OR3A2: variants seen among roughly 807,000 people sequenced by gnomAD.
OR3A2 encodes the protein olfactory receptor family 3 subfamily A member 2, also known as olfactory receptor 3A2.
For synonymous variants in OR3A2, 126 were observed against 159.3 expected (o/e 0.79, Z 1.57); for missense variants, 318 against 392.8 (o/e 0.81, Z 1.61).
chr17:3,362,848 C>T (rs1293780843), intron 2 of OR3A2, among the ~76,000 whole-genome samples: 2 of 151,794 alleles, frequency 1.3e-5, no homozygotes, highest in Non-Finnish European at 2.9e-5. Flanking sequence ...CTCTTGTCTT[C>T]TGTGCACCCA....
intron 3 of OR3A2, among the ~76,000 whole-genome samples, chr17:3,290,139 CA>C (rs1272276620): frequency 2.6e-5 from 4 of 152,076 alleles, no homozygotes; most frequent in Non-Finnish European, 5.9e-5. Flanking sequence ...CTTAAAATAT[CA>C]ATCACTTCCT....
At chr17:3,356,475 T>C (rs2049466562) in intron 2 of OR3A2, among the ~76,000 whole-genome samples, 1 of 151,532 alleles carries the variant, frequency 6.6e-6, no homozygotes, top group Non-Finnish European at 1.5e-5. Context: ...TTTTCCTTCA[T>C]GCTTGAAGGA....
At chr17:3,321,346 T>C (rs1474381222) in intron 3 of OR3A2, among the ~76,000 whole-genome samples, 7 of 152,204 alleles carry the variant, frequency 4.6e-5, no homozygotes, top group Admixed American at 1.3e-4. Flanking sequence ...ATGACTTCCT[T>C]TTTTCCTAAT....
intron 3 of OR3A2, chr17:3,310,767 G>A (rs1439804856): frequency 3.5e-6 from 2 of 572,908 alleles, no homozygotes; most frequent in Non-Finnish European, 6.9e-6. Context: ...CATGTCATGT[G>A]TCTTTTCCTT....
At chr17:3,355,798 A>G (rs1317912813) in intron 2 of OR3A2, among the ~76,000 whole-genome samples, 2 of 151,282 alleles carry the variant, frequency 1.3e-5, no homozygotes, top group Non-Finnish European at 2.9e-5. Flanking sequence ...TGGAGAGTTT[A>G]GTTCATTTAT....
intron 2 of OR3A2, among the ~76,000 whole-genome samples, chr17:3,352,069 AT>A (rs1357191655): frequency 6.6e-6 from 1 of 152,016 alleles, no homozygotes; most frequent in Non-Finnish European, 1.5e-5. Context: ...AGAAATATCT[AT>A]TCTAATCTTT....
At position 3,367,192 on chromosome 17, in the gene OR3A2, C is replaced by G. The variant is rs79562383; in HGVS notation, c.-179+16612G>C. Among the ~76,000 whole-genome samples, 238 of 152,240 alleles carry G rather than the reference C, an allele frequency of 1.6e-3. 5 individuals are homozygous for G. The East Asian group carries it at 0.044, about 28-fold the overall frequency. Reference sequence around the variant, plus strand: ...CATTTACAAGTTCTGTGACTTTTGGCAATTTACAGCTCAGACTCAGTTGTT... The same window carrying G: ...CATTTACAAGTTCTGTGACTTTTGGGAATTTACAGCTCAGACTCAGTTGTT... On this transcript the variant is annotated intron_variant, in intron 2 of 4. Transcript: ENST00000573491.
At chr17:3,300,758 T>A (rs12942844) in intron 3 of OR3A2, among the ~76,000 whole-genome samples, 69,622 of 151,000 alleles carry the variant, frequency 0.46, 17,603 homozygotes, top group East Asian at 0.95. Flanking sequence ...TTGTTACATA[T>A]GTATACATGT....
intron 2 of OR3A2, among the ~76,000 whole-genome samples, chr17:3,367,601 G>GTATATATAA (rs2049575498): frequency 4.1e-5 from 5 of 122,538 alleles, no homozygotes; most frequent in African/African-American, 1.8e-4. Context: ...GTGTGTGTGT[G>GTATATATAA]TATATATATA....
intron 3 of OR3A2, chr17:3,292,638 A>T: frequency 7.0e-7 from 1 of 1,428,396 alleles, no homozygotes; most frequent in Non-Finnish European, 9.5e-7. Flanking sequence ...CCAATAATTT[A>T]TTTACTCAAG....
Position 3,385,252 on chromosome 17 carries a change from G to A in OR3A2, c.-275+873C>T, listed in dbSNP as rs534090190. Among the ~76,000 whole-genome samples the A allele has an allele frequency of 5.8e-4, 89 of 152,244 alleles. 1 individual carries two copies. The South Asian group carries it at 6.2e-3, about 11-fold the overall frequency. On this transcript the variant is annotated intron_variant, in intron 1 of 4. Coordinates refer to the OR3A2 transcript ENST00000573491. ...ATTCCTGAAGAACCATATAATGTGTGGTCAACAAATGAATGGTAAATGCAG... is the reference window on the plus strand; with the variant it reads ...ATTCCTGAAGAACCATATAATGTGTAGTCAACAAATGAATGGTAAATGCAG...
At chr17:3,338,963 T>C (rs1245120448) in intron 2 of OR3A2, among the ~76,000 whole-genome samples, 2 of 152,228 alleles carry the variant, frequency 1.3e-5, no homozygotes, top group African/African-American at 4.8e-5. Context: ...TTTGTAGCTC[T>C]CCTTGAAGAG....
At chr17:3,345,843 C>A (rs186092675) in intron 2 of OR3A2, among the ~76,000 whole-genome samples, 45 of 151,996 alleles carry the variant, frequency 3.0e-4, no homozygotes, top group African/African-American at 8.7e-4. Context: ...TACCCACATT[C>A]AAAACAAAAT....
intron 3 of OR3A2, among the ~76,000 whole-genome samples, chr17:3,303,831 G>T (rs1173112595): frequency 6.6e-6 from 1 of 150,582 alleles, no homozygotes; most frequent in Non-Finnish European, 1.5e-5. Flanking sequence ...GGCGGAGGTT[G>T]CAGTGAGCCG....
chr17:3,330,740 T>C lies in OR3A2; in HGVS notation c.-85+5293A>G, dbSNP rs571363962. 1.7e-3 allele frequency among the ~76,000 whole-genome samples: 264 copies of C among 152,246 alleles called. 1 individual carries two copies. Among genetic ancestry groups the C allele is most frequent in the African/African-American group, 5.8e-3 (239 of 41,538 alleles). On this transcript the variant is annotated intron_variant, in intron 3 of 4. Coordinates refer to the OR3A2 transcript ENST00000573491. Reference sequence around the variant, plus strand: ...TACAGTTAATATTGTTATGTGTGAATTTGATCCTGTCATTATGATGTTAGC... The same window carrying C: ...TACAGTTAATATTGTTATGTGTGAACTTGATCCTGTCATTATGATGTTAGC...
At chr17:3,369,792 C>T (rs162256) in intron 2 of OR3A2, among the ~76,000 whole-genome samples, 67,126 of 146,738 alleles carry the variant, frequency 0.46, 15,525 homozygotes, top group Admixed American at 0.55. Context: ...GAATGGTTTC[C>T]GTTAGATTGG....
intron 2 of OR3A2, among the ~76,000 whole-genome samples, chr17:3,366,117 A>C (rs2049560934): frequency 6.6e-6 from 1 of 152,236 alleles, no homozygotes; most frequent in African/African-American, 2.4e-5. Context: ...CCATCTCTTC[A>C]AGTTAACATG....
chr17:3,333,477 T>C (rs1319918329), intron 3 of OR3A2, among the ~76,000 whole-genome samples: 1 of 152,194 alleles, frequency 6.6e-6, no homozygotes, highest in Admixed American at 6.5e-5. Flanking sequence ...CTACTCCCTG[T>C]TCGTACATCC....
intron 2 of OR3A2, among the ~76,000 whole-genome samples, chr17:3,376,391 G>C (rs1189069148): frequency 6.6e-6 from 1 of 152,194 alleles, no homozygotes; most frequent in Non-Finnish European, 1.5e-5. Flanking sequence ...AGGGTGGGTA[G>C]AGAAAAACCA....
Sources: allele counts gnomAD v4.1 joint callset (sites outside exome capture counted in the v4.1 genomes callset), GRCh38; gene constraint gnomAD v4.1.1; transcripts MANE v1.5; gene names NCBI Gene and HGNC (gene_info 2026-07-23, HGNC 2026-07-21).